Variants in LRRC4C observed in about 807,000 individuals in gnomAD.
The protein encoded by LRRC4C is leucine-rich repeat-containing protein 4C.
Under a neutral mutation model 33.6 loss-of-function variants are expected in LRRC4C, and 5 were observed. The observed-to-expected ratio is 0.15, with a 90% confidence interval of 0.08 to 0.31. The LOEUF (loss-of-function observed/expected upper bound fraction) is 0.31, where lower values mean the gene tolerates loss of function less well. LRRC4C is among the 10% of genes least tolerant of loss of function. The pLI is 1.00. For synonymous variants in LRRC4C, 329 were observed against 302.0 expected (o/e 1.09, Z -0.93); for missense variants, 560 against 796.7 (o/e 0.70, Z 3.58).
intron 1 of LRRC4C, among the ~76,000 whole-genome samples, chr11:41,129,513 A>C (rs1942913069): frequency 6.6e-6 from 1 of 151,896 alleles, no homozygotes; most frequent in Admixed American, 6.6e-5. Context: ...TATAGTGCCT[A>C]TTTTGTTTAT....
intron 1 of LRRC4C, among the ~76,000 whole-genome samples, chr11:41,422,949 C>G (rs1373150111): frequency 2.0e-5 from 3 of 152,030 alleles, no homozygotes; most frequent in Non-Finnish European, 2.9e-5. Flanking sequence ...TGCCATACTG[C>G]TAGTTTCATC....
chr11:40,788,970 G>C (rs1950523109), intron 2 of LRRC4C, among the ~76,000 whole-genome samples: 1 of 151,972 alleles, frequency 6.6e-6, no homozygotes, highest in Non-Finnish European at 1.5e-5. Flanking sequence ...GCGGGCGCCT[G>C]TAGTCCCAGC....
intron 1 of LRRC4C, among the ~76,000 whole-genome samples, chr11:41,040,137 CAAAAAAAAAAA>C (rs5791415): frequency 1.9e-4 from 18 of 96,320 alleles, no homozygotes; most frequent in Non-Finnish European, 3.1e-4. Flanking sequence ...GACTCTGTCT[CAAAAAAAAAAA>C]AAAAAAAAAG....
At position 40,448,951 on chromosome 11, in the gene LRRC4C, T is replaced by G. The variant is rs566349868; in HGVS notation, c.-269-129230A>C. ...TTAATGATCGCCATTCTAACTGGCA[T>G]GAAATGATATCTCATTGTGGTTTTG... On this transcript the variant is annotated intron_variant, in intron 3 of 6. Transcript: ENST00000528697. Among the ~76,000 whole-genome samples, 4 of 152,368 alleles carry G rather than the reference T, an allele frequency of 2.6e-5. No homozygotes were observed. The South Asian group carries it at 6.2e-4, about 24-fold the overall frequency.
chr11:40,618,343 G>A (rs1195059558), intron 3 of LRRC4C, among the ~76,000 whole-genome samples: 1 of 151,522 alleles, frequency 6.6e-6, no homozygotes, highest in African/African-American at 2.4e-5. Flanking sequence ...CAAGATTGCT[G>A]GCAACCACCA....
rs78393853 is a variant in LRRC4C, at chr11:41,419,321, T to G, written c.-496+40110A>C. On this transcript the variant is annotated intron_variant, in intron 1 of 6. Transcript: ENST00000528697. ...ATAGGTATCAAATCCACAATGACTC[T>G]TATAATATAGGCTAACTGTCCTTCC... Among the ~76,000 whole-genome samples the G allele has an allele frequency of 6.6e-5, 10 of 152,062 alleles. No homozygotes were observed. In the East Asian group the frequency reaches 1.9e-3, roughly 29 times the overall value.
At chr11:40,394,935 T>C (rs1949480963) in intron 3 of LRRC4C, among the ~76,000 whole-genome samples, 1 of 152,156 alleles carries the variant, frequency 6.6e-6, no homozygotes, top group Non-Finnish European at 1.5e-5. Context: ...AATGGTAATA[T>C]TGAGACTTTA....
chr11:40,941,908 T>C (rs1335792460), intron 1 of LRRC4C, among the ~76,000 whole-genome samples: 1 of 152,042 alleles, frequency 6.6e-6, no homozygotes, highest in Non-Finnish European at 1.5e-5. Context: ...AGAGAAGGCA[T>C]TATTATAGCT....
chr11:41,193,640 C>T (rs1472379347), intron 1 of LRRC4C, among the ~76,000 whole-genome samples: 1 of 152,030 alleles, frequency 6.6e-6, no homozygotes, highest in Non-Finnish European at 1.5e-5. Flanking sequence ...TCTAATTAAA[C>T]ACCAAATAGT....
chr11:40,523,112 A>T (rs2135244230), intron 3 of LRRC4C, among the ~76,000 whole-genome samples: 1 of 152,318 alleles, frequency 6.6e-6, no homozygotes, highest in Admixed American at 6.5e-5. Flanking sequence ...TTTATGAGAA[A>T]TCACCATATT....
chr11:40,916,707 T>A (rs1316892046), intron 2 of LRRC4C, among the ~76,000 whole-genome samples: 21 of 150,962 alleles, frequency 1.4e-4, no homozygotes, highest in Non-Finnish European at 2.7e-4. Context: ...TAAAAATAAA[T>A]AAATAAAAAT....
intron 3 of LRRC4C, among the ~76,000 whole-genome samples, chr11:40,518,472 A>G (rs1027726981): frequency 5.3e-5 from 8 of 152,228 alleles, no homozygotes; most frequent in African/African-American, 1.9e-4. Context: ...TTTTCAAAAG[A>G]AGCCATTTAT....
At chr11:40,761,157 G>A (rs551539615) in intron 2 of LRRC4C, among the ~76,000 whole-genome samples, 59 of 151,978 alleles carry the variant, frequency 3.9e-4, no homozygotes, top group Middle Eastern at 6.8e-3. Context: ...TATAGTGTTC[G>A]CCGCACCTGA....
intron 4 of LRRC4C, among the ~76,000 whole-genome samples, chr11:40,244,322 C>A (rs1201033170): frequency 6.6e-6 from 1 of 151,988 alleles, no homozygotes; most frequent in East Asian, 2.0e-4. Flanking sequence ...TCTCTCAATC[C>A]TCTGTGTCCT....
intron 1 of LRRC4C, among the ~76,000 whole-genome samples, chr11:41,344,985 C>T (rs2137510095): frequency 6.6e-6 from 1 of 151,174 alleles, no homozygotes; most frequent in Non-Finnish European, 1.5e-5. Context: ...GTTTTTTTTT[C>T]CCCTGTTTCC....
rs566664080 is a variant in LRRC4C, at chr11:41,140,425, T to G, written c.-495-206702A>C. On this transcript the variant is annotated intron_variant, in intron 1 of 6. Coordinates refer to ENST00000528697, the MANE Select transcript of LRRC4C (RefSeq NM_001258419.2). ...ATTAGCTGAACTGTTTTATTCCTAC[T>G]GATCCATCAGAACCAAATGCATATT... 2.4e-3 allele frequency among the ~76,000 whole-genome samples: 371 copies of G among 152,348 alleles called. 1 individual carries two copies. Among genetic ancestry groups the G allele is most frequent in the Non-Finnish European group, 4.3e-3 (295 of 68,030 alleles).
rs1302764082 is a variant in LRRC4C, at chr11:40,235,795, C to T, written c.-96+5724G>A. Among the ~76,000 whole-genome samples the T allele has an allele frequency of 1.3e-5, 2 of 152,124 alleles. 1 individual carries two copies. The highest frequency in any genetic ancestry group is 4.8e-5 in the African/African-American group (2 of 41,418). On this transcript the variant is annotated intron_variant, in intron 5 of 6. Transcript: ENST00000528697. ...AACCCAAGAAGAAAATATCTAGAATCTCTAGTGTGATACAATCTTCAACCC... is the reference window on the plus strand; with the variant it reads ...AACCCAAGAAGAAAATATCTAGAATTTCTAGTGTGATACAATCTTCAACCC...
At chr11:40,310,155 T>C (rs902872257) in intron 4 of LRRC4C, among the ~76,000 whole-genome samples, 1 of 152,174 alleles carries the variant, frequency 6.6e-6, no homozygotes, top group Non-Finnish European at 1.5e-5. Flanking sequence ...TGAATAATCA[T>C]GAAGATCATA....
chr11:41,058,809 A>G (rs1365986800), intron 1 of LRRC4C, among the ~76,000 whole-genome samples: 3 of 152,204 alleles, frequency 2.0e-5, no homozygotes, highest in Non-Finnish European at 4.4e-5. Flanking sequence ...AATCAACCTA[A>G]ATGCCCATCA....
Sources: allele counts gnomAD v4.1 joint callset (sites outside exome capture counted in the v4.1 genomes callset), GRCh38; gene constraint gnomAD v4.1.1; transcripts MANE v1.5; gene names NCBI Gene and HGNC (gene_info 2026-07-23, HGNC 2026-07-21).